DIAPH2: variants seen among roughly 807,000 people sequenced by gnomAD.
The protein encoded by DIAPH2 is protein diaphanous homolog 2.
A neutral mutation model predicts 92.7 loss-of-function variants in DIAPH2; 35 were observed. The ratio of observed to expected loss-of-function variants is 0.38; its 90% confidence interval spans 0.29 to 0.50. DIAPH2 has a LOEUF of 0.50. DIAPH2 is among the 20% of genes least tolerant of loss of function. The pLI is 0.94. For missense variants in DIAPH2, 701 were observed against 819.5 expected (o/e 0.86, Z 1.77); for synonymous variants, 301 against 280.4 (o/e 1.07, Z -0.73).
chrX:97,455,669 A>G (rs1383119651), intron 26 of DIAPH2, among the ~76,000 whole-genome samples: 1 of 112,370 alleles, frequency 8.9e-6, no homozygotes, highest in African/African-American at 3.2e-5. Context: ...TCTTACATGT[A>G]ATAATCAAAT....
chrX:96,734,269 C>A (rs1416621191), intron 1 of DIAPH2, among the ~76,000 whole-genome samples: 2 of 112,002 alleles, frequency 1.8e-5, no homozygotes, highest in Non-Finnish European at 3.8e-5. Context: ...GAGTTTATAA[C>A]CCCAAAAGAT....
intron 4 of DIAPH2, among the ~76,000 whole-genome samples, chrX:96,795,524 C>G (rs2064532378): frequency 8.9e-6 from 1 of 111,765 alleles, no homozygotes; most frequent in Non-Finnish European, 1.9e-5. Context: ...TCTACTTATT[C>G]TACCAATTAT....
chrX:97,374,671 C>T (rs2069482394), intron 24 of DIAPH2, among the ~76,000 whole-genome samples: 1 of 112,067 alleles, frequency 8.9e-6, no homozygotes, highest in Non-Finnish European at 1.9e-5. Context: ...TTGCCCTGAG[C>T]ATTTGTCATG....
At chrX:97,050,110 A>G (rs1464362713) in intron 17 of DIAPH2, among the ~76,000 whole-genome samples, 1 of 111,352 alleles carries the variant, frequency 9.0e-6, no homozygotes, top group African/African-American at 3.3e-5. Flanking sequence ...TCAGTGCTGT[A>G]TCTGATGGTG....
chrX:96,913,631 A>G (rs979895372), intron 7 of DIAPH2, among the ~76,000 whole-genome samples: 1 of 111,276 alleles, frequency 9.0e-6, no homozygotes, highest in African/African-American at 3.2e-5. Context: ...TGAAAAGGAA[A>G]ATTATAGGGA....
chrX:96,760,937 C>T (rs1024060449), intron 4 of DIAPH2, among the ~76,000 whole-genome samples: 2 of 111,101 alleles, frequency 1.8e-5, no homozygotes, highest in African/African-American at 6.5e-5. Flanking sequence ...CTCCATTGTT[C>T]ATTGTAGGAA....
intron 25 of DIAPH2, among the ~76,000 whole-genome samples, chrX:97,424,873 C>T (rs950893848): frequency 8.9e-6 from 1 of 111,850 alleles, no homozygotes; most frequent in Non-Finnish European, 1.9e-5. Flanking sequence ...GATCCTCCCA[C>T]CTTGGCCTGC....
chrX:97,038,740 G>A (rs1376236163), intron 17 of DIAPH2, among the ~76,000 whole-genome samples: 1 of 109,609 alleles, frequency 9.1e-6, no homozygotes, highest in East Asian at 2.9e-4. Context: ...ATGTTTGTTG[G>A]CCATTTGTGT....
At chrX:96,888,603 ATC>A (rs1432315026) in intron 5 of DIAPH2, among the ~76,000 whole-genome samples, 8 of 100,989 alleles carry the variant, frequency 7.9e-5, no homozygotes, top group African/African-American at 1.1e-4. Context: ...AGATATATAT[ATC>A]TATATATATC....
rs1311911488 is a variant in DIAPH2 at position 97,257,910 on chromosome X, G to T, written c.2844+10071G>T. Among the ~76,000 whole-genome samples, 3 of 97,194 alleles carry T rather than the reference G, an allele frequency of 3.1e-5. No homozygotes were observed. The South Asian group carries it at 1.4e-3, about 47-fold the overall frequency. The allele number at this position is 97,194 out of a possible 115,157, so 84.4% of individuals were successfully genotyped here. On this transcript the variant is annotated intron_variant, in intron 23 of 26. Coordinates refer to ENST00000324765, the MANE Select transcript of DIAPH2 (RefSeq NM_006729.5). ...TTTATGTATCATTCTCCCCTAAACC[G>T]CACAAATAGGAAATAATTCTATCCC...
rs5921025 is a variant in DIAPH2, at chrX:96,972,932, A to G, written c.2050+7725A>G. Among the ~76,000 whole-genome samples the G allele has an allele frequency of 3.0e-3, 335 of 111,866 alleles. 1 individual carries two copies. Among genetic ancestry groups the G allele is most frequent in the Middle Eastern group, 0.014 (3 of 217 alleles). The stretch of plus-strand genomic sequence containing the variant: ...CAGCAGGATTTCAGTGTGAGCATCA[A>G]CCTTTCATAGTATGAACATGGGAAC... On this transcript the variant is annotated intron_variant, in intron 17 of 26. Coordinates refer to ENST00000324765, the MANE Select transcript of DIAPH2 (RefSeq NM_006729.5).
intron 22 of DIAPH2, among the ~76,000 whole-genome samples, chrX:97,152,047 G>C (rs942579516): frequency 1.8e-5 from 2 of 111,574 alleles, no homozygotes; most frequent in Admixed American, 1.9e-4. Flanking sequence ...TATGGAAATA[G>C]GTGGAATCCA....
chrX:97,221,630 C>T (rs1345738753), intron 22 of DIAPH2, among the ~76,000 whole-genome samples: 2 of 111,618 alleles, frequency 1.8e-5, no homozygotes, highest in Non-Finnish European at 3.8e-5. Context: ...ACCCAAGTTT[C>T]TCTTGCTAAT....
chrX:97,032,344 TAGAGAA>T (rs1396302184), intron 17 of DIAPH2, among the ~76,000 whole-genome samples: 1 of 111,186 alleles, frequency 9.0e-6, no homozygotes, highest in African/African-American at 3.3e-5. Flanking sequence ...ATATTCTATA[TAGAGAA>T]AAAGTACAAA....
intron 4 of DIAPH2, among the ~76,000 whole-genome samples, chrX:96,791,858 ATC>A (rs2064504721): frequency 1.8e-5 from 2 of 110,511 alleles, no homozygotes; most frequent in Non-Finnish European, 3.8e-5. Flanking sequence ...GATCATTTTT[ATC>A]TCCAGTTTAG....
intron 26 of DIAPH2, among the ~76,000 whole-genome samples, chrX:97,535,568 C>T (rs775458757): frequency 9.0e-6 from 1 of 111,404 alleles, no homozygotes; most frequent in East Asian, 2.8e-4. Context: ...TCTCCTGCCT[C>T]AGCCTCTCAA....
chrX:97,306,910 C>T (rs1265520009), intron 23 of DIAPH2, among the ~76,000 whole-genome samples: 7 of 112,007 alleles, frequency 6.2e-5, no homozygotes, highest in African/African-American at 1.6e-4. Flanking sequence ...AGACAGTTAA[C>T]AAAGGCTGAG....
At chrX:96,962,671 T>G (rs769143917) in intron 16 of DIAPH2, among the ~76,000 whole-genome samples, 48 of 107,406 alleles carry the variant, frequency 4.5e-4, no homozygotes, top group African/African-American at 1.6e-3. Context: ...ATGTTTCTTG[T>G]TGGAAGCATA....
At chrX:96,913,443 ATACT>A (rs1372042202) in intron 7 of DIAPH2, among the ~76,000 whole-genome samples, 2 of 111,939 alleles carry the variant, frequency 1.8e-5, no homozygotes, top group Admixed American at 1.9e-4. Context: ...TATTTAAGTA[ATACT>A]TACATGAAAG....
Sources: allele counts gnomAD v4.1 joint callset (sites outside exome capture counted in the v4.1 genomes callset), GRCh38; gene constraint gnomAD v4.1.1; transcripts MANE v1.5; gene names NCBI Gene and HGNC (gene_info 2026-07-23, HGNC 2026-07-21).